The following MYO3A variants were observed in gnomAD, a reference collection of about 807,000 sequenced individuals.
MYO3A encodes the protein myosin-IIIa.
In MYO3A, 180 loss-of-function variants were observed where a neutral mutation model predicts 192.7. The ratio of observed to expected loss-of-function variants is 0.93; its 90% CI spans 0.83 to 1.06. The LOEUF (loss-of-function observed/expected upper bound fraction) is 1.06, where lower values mean the gene tolerates loss of function less well. Among genes scored for constraint, MYO3A ranks in the 50% least tolerant of loss-of-function variants. MYO3A has a pLI of 0.00. For missense variants in MYO3A, 1,896 were observed against 1,905.0 expected (o/e 1.00, Z 0.09); for synonymous variants, 628 against 645.3 (o/e 0.97, Z 0.41).
intron 34 of MYO3A, among the ~76,000 whole-genome samples, chr10:26,206,284 C>T (rs1843937509): frequency 6.6e-6 from 1 of 150,476 alleles, no homozygotes. Flanking sequence ...TGGTCTTGAA[C>T]TTCTGGCCTC....
At chr10:25,996,356 G>C (rs2130899376) in intron 4 of MYO3A, 134 bp from the exon 5 acceptor site, 2 of 695,922 alleles carry the variant, frequency 2.9e-6, no homozygotes, top group South Asian at 3.3e-5. Flanking sequence ...ATTTATGAAA[G>C]CATAAAGATA....
chr10:26,068,446 G>A (rs1268472458), intron 11 of MYO3A, among the ~76,000 whole-genome samples: 3 of 151,980 alleles, frequency 2.0e-5, no homozygotes, highest in Middle Eastern at 3.4e-3. Context: ...TCTTTACTTC[G>A]TTTTTAATCT....
At chr10:26,018,617 A>T (rs1842108193) in intron 7 of MYO3A, among the ~76,000 whole-genome samples, 1 of 152,230 alleles carries the variant, frequency 6.6e-6, no homozygotes, top group Admixed American at 6.5e-5. Flanking sequence ...ACATAAAGAC[A>T]TCCTCTGCCA....
intron 32 of MYO3A, among the ~76,000 whole-genome samples, chr10:26,193,785 GAA>G (rs1424683294): frequency 6.6e-6 from 1 of 152,152 alleles, no homozygotes; most frequent in Non-Finnish European, 1.5e-5. Context: ...AAATATCCCT[GAA>G]TGTATTATCC....
chr10:26,114,019 C>G (rs538007945), intron 17 of MYO3A, among the ~76,000 whole-genome samples: 1 of 152,304 alleles, frequency 6.6e-6, no homozygotes, highest in African/African-American at 2.4e-5. Flanking sequence ...TGCAGAGCAT[C>G]TCCTTCTATC....
At chr10:26,106,306 C>T (rs540619688) in intron 17 of MYO3A, among the ~76,000 whole-genome samples, 10 of 152,054 alleles carry the variant, frequency 6.6e-5, no homozygotes, top group Middle Eastern at 3.4e-3. Flanking sequence ...GATGCTGTTT[C>T]GAGTTTTTAA....
intron 4 of MYO3A, among the ~76,000 whole-genome samples, chr10:25,995,924 C>T (rs1333672866): frequency 2.0e-5 from 3 of 152,214 alleles, no homozygotes; most frequent in Non-Finnish European, 4.4e-5. Flanking sequence ...CTGGGGAGTG[C>T]CTCCCAGAAA....
At position 26,001,948 on chromosome 10, in the gene MYO3A, C is replaced by T. The variant is rs1840856186; in HGVS notation, c.508+4690C>T. On this transcript the variant is annotated intron_variant, in intron 6 of 34. Coordinates refer to ENST00000642920, the MANE Select transcript of MYO3A (RefSeq NM_017433.5). ...GCTGCAGTGAGCTGTGATTGCACCA[C>T]TGCATTCTAGCCTGGGTGGCAGAGT... Among the ~76,000 whole-genome samples, 3 of 152,210 alleles carry T rather than the reference C, an allele frequency of 2.0e-5. No homozygotes were observed. The South Asian group carries it at 6.2e-4, about 31-fold the overall frequency.
chr10:25,994,491 T>C (rs1214856364), intron 4 of MYO3A, among the ~76,000 whole-genome samples: 12 of 152,242 alleles, frequency 7.9e-5, no homozygotes, highest in Admixed American at 6.5e-5. Context: ...TGTCTTTTAA[T>C]TGGAGCATTT....
intron 4 of MYO3A, among the ~76,000 whole-genome samples, chr10:25,978,234 G>A (rs1839079561): frequency 6.6e-6 from 1 of 152,044 alleles, no homozygotes; most frequent in Non-Finnish European, 1.5e-5. Context: ...TGTTTATTTG[G>A]AATAGGAATG....
intron 31 of MYO3A, among the ~76,000 whole-genome samples, chr10:26,187,551 T>C (rs1164950598): frequency 1.3e-5 from 2 of 151,968 alleles, no homozygotes; most frequent in African/African-American, 4.8e-5. Flanking sequence ...GCAGGTTTGT[T>C]ACATATATAT....
chr10:25,971,102 A>AT (rs143957427), intron 4 of MYO3A, among the ~76,000 whole-genome samples: 7 of 151,790 alleles, frequency 4.6e-5, no homozygotes, highest in African/African-American at 4.8e-5. Flanking sequence ...AGAACCGTGC[A>AT]TTTTTTTTAT....
intron 4 of MYO3A, among the ~76,000 whole-genome samples, chr10:25,990,977 G>A (rs950013726): frequency 1.3e-5 from 2 of 152,126 alleles, no homozygotes; most frequent in South Asian, 2.1e-4. Context: ...AAACATATGT[G>A]TGCATGTGTC....
At position 26,212,187 on chromosome 10, in the gene MYO3A, C is replaced by T. The variant is rs917999580; in HGVS notation, c.*224C>T. 20 of 604,394 alleles carry T rather than the reference C, an allele frequency of 3.3e-5. No individual in the cohort carries two copies. Among genetic ancestry groups the T allele is most frequent in the South Asian group, 2.7e-4 (10 of 37,398 alleles). The allele number at this position is 604,394 out of a possible 1,614,324, so 37.4% of individuals were successfully genotyped here. On this transcript the variant is annotated 3_prime_UTR_variant, in exon 35 of 35. Coordinates refer to ENST00000642920, the MANE Select transcript of MYO3A (RefSeq NM_017433.5). ...GGAAACCTCCCCCGACGCTCTCTCT[C>T]GGAACTCCCGCACCCTCCTTTCTCA...
chr10:26,070,955 A>G (rs1234827281), intron 14 of MYO3A, among the ~76,000 whole-genome samples: 1 of 152,178 alleles, frequency 6.6e-6, no homozygotes, highest in African/African-American at 2.4e-5. Context: ...ACTCCATATT[A>G]TTAAGACGTC....
At chr10:26,141,555 A>C (rs554434993) in intron 20 of MYO3A, among the ~76,000 whole-genome samples, 2 of 152,212 alleles carry the variant, frequency 1.3e-5, no homozygotes, top group African/African-American at 4.8e-5. Flanking sequence ...AGAAATGACA[A>C]ATGCATTAGT....
At chr10:25,981,527 A>G (rs1839329390) in intron 4 of MYO3A, among the ~76,000 whole-genome samples, 1 of 152,230 alleles carries the variant, frequency 6.6e-6, no homozygotes, top group Non-Finnish European at 1.5e-5. Flanking sequence ...AAATACTTCC[A>G]AAACATCTAT....
intron 17 of MYO3A, among the ~76,000 whole-genome samples, chr10:26,114,151 C>T (rs1307041353): frequency 2.0e-5 from 3 of 152,168 alleles, no homozygotes; most frequent in Admixed American, 6.5e-5. Flanking sequence ...AGCATCAACA[C>T]TATGGCCTTC....
intron 19 of MYO3A, among the ~76,000 whole-genome samples, chr10:26,128,024 T>G (rs890811693): frequency 6.6e-6 from 1 of 152,064 alleles, no homozygotes; most frequent in African/African-American, 2.4e-5. Context: ...CTGGGAGAGT[T>G]TTTATTGAAT....
Sources: gnomAD v4.1 joint callset for allele counts (sites outside exome capture counted in the v4.1 genomes callset) on GRCh38, gnomAD v4.1.1 for gene constraint, MANE v1.5 for transcripts, NCBI Gene and HGNC (gene_info 2026-07-23, HGNC 2026-07-21) for gene names.